The following RHBDD1 variants were observed in gnomAD, a reference collection of about 807,000 sequenced individuals.
RHBDD1 encodes rhomboid-related protein 4.
In RHBDD1, 38 loss-of-function variants were observed where a neutral mutation model predicts 36.3. That is an observed-to-expected ratio of 1.05 (90% confidence interval 0.81 to 1.37). The LOEUF (loss-of-function observed/expected upper bound fraction) is 1.37. Ranked by LOEUF, RHBDD1 falls within the 40% of genes most tolerant of loss-of-function variation. The pLI is 0.00. For missense variants in RHBDD1, 393 were observed against 377.6 expected, an observed-to-expected ratio of 1.04 and a Z score of -0.34; for synonymous variants, 151 against 136.5, an observed-to-expected ratio of 1.11 and a Z score of -0.74.
At chr2:226,896,975 G>A (rs1947148552) in intron 5 of RHBDD1, among the ~76,000 whole-genome samples, 1 of 152,044 alleles carries the variant, frequency 6.6e-6, no homozygotes, top group Non-Finnish European at 1.5e-5. Flanking sequence ...GCTAATCTTT[G>A]TATTTTCAGT....
At chr2:226,989,694 G>C (rs1957753033) in intron 8 of RHBDD1, among the ~76,000 whole-genome samples, 1 of 152,164 alleles carries the variant, frequency 6.6e-6, no homozygotes. Flanking sequence ...TAGTGGACCT[G>C]ATGTTATAGC....
chr2:226,952,422 C>A (rs1951491744), intron 8 of RHBDD1, among the ~76,000 whole-genome samples: 1 of 150,990 alleles, frequency 6.6e-6, no homozygotes, highest in Non-Finnish European at 1.5e-5. Flanking sequence ...CTCAGACTCC[C>A]AAATAGCTGG....
chr2:226,935,827 A>T lies in RHBDD1; in HGVS notation c.856+21476A>T, dbSNP rs191016606. 1.9e-4 allele frequency among the ~76,000 whole-genome samples: 29 copies of T among 152,214 alleles called. 1 individual carries two copies. The East Asian group carries it at 5.0e-3, about 26-fold the overall frequency. On this transcript the variant is annotated intron_variant, in intron 8 of 8. Transcript: ENST00000392062. ...AAAGATAAATTCAAACAGCTATATA[A>T]AGCAGATCTAACTTGATAAACACAT...
Position 226,995,648 on chromosome 2 carries a change from G to T in RHBDD1, c.*126G>T, listed in dbSNP as rs575165573. 2.8e-6 allele frequency: 2 copies of T among 703,624 alleles called. No homozygotes were observed. Among genetic ancestry groups the T allele is most frequent in the African/African-American group, 1.8e-5 (1 of 56,022 alleles). The allele number at this position is 703,624 out of a possible 1,614,324, so 43.6% of individuals were successfully genotyped here. A position where few individuals can be genotyped will look rare whatever the true frequency, so the allele number is the denominator to read the frequency against. On this transcript the variant is annotated 3_prime_UTR_variant, in exon 9 of 9. Transcript: ENST00000392062. ...GAGTACACCGGTATTGCTCCAGATCGCTCACATCACCTGGGACAGTCCCAT... is the reference window on the plus strand; with the variant it reads ...GAGTACACCGGTATTGCTCCAGATCTCTCACATCACCTGGGACAGTCCCAT...
chr2:226,827,269 G>C, the RHBDD1 span, among the ~76,000 whole-genome samples: 2 of 152,100 alleles, frequency 1.3e-5, no homozygotes, highest in African/African-American at 4.8e-5. Flanking sequence ...TCAGCCTAAT[G>C]GTGTTTTTAA....
chr2:226,989,459 A>G (rs1173938874), intron 8 of RHBDD1, among the ~76,000 whole-genome samples: 1 of 152,222 alleles, frequency 6.6e-6, no homozygotes, highest in Non-Finnish European at 1.5e-5. Flanking sequence ...AAATATCCTC[A>G]TATCTTGATC....
intron 8 of RHBDD1, among the ~76,000 whole-genome samples, chr2:226,958,636 GA>G (rs1479035026): frequency 6.6e-6 from 1 of 151,662 alleles, no homozygotes; most frequent in Non-Finnish European, 1.5e-5. Flanking sequence ...TAATAGAGGA[GA>G]AAAACTGAAG....
intron 8 of RHBDD1, among the ~76,000 whole-genome samples, chr2:226,989,335 G>A (rs1316562223): frequency 6.6e-6 from 1 of 152,152 alleles, no homozygotes; most frequent in Non-Finnish European, 1.5e-5. Context: ...AAAAATAGGG[G>A]AAAAATCTAT....
In RHBDD1 at chr2:226,984,981, C is replaced by A. The variant is rs112302976; in HGVS notation, c.857-10450C>A. 3.2e-3 allele frequency among the ~76,000 whole-genome samples: 480 copies of A among 150,382 alleles called. 1 individual carries two copies. Among genetic ancestry groups the A allele is most frequent in the Non-Finnish European group, 6.0e-3 (403 of 67,676 alleles). On this transcript the variant is annotated intron_variant, in intron 8 of 8. Coordinates refer to ENST00000392062, the MANE Select transcript of RHBDD1 (RefSeq NM_001167608.3). ...CAAAGAGGAGGATTGGGGGCAAGTACAAGTGGGGGGTTTGAGTGAAAATGT... is the reference window on the plus strand; with the variant it reads ...CAAAGAGGAGGATTGGGGGCAAGTAAAAGTGGGGGGTTTGAGTGAAAATGT...
At chr2:226,830,067 T>C in the RHBDD1 span, among the ~76,000 whole-genome samples, 24 of 152,272 alleles carry the variant, frequency 1.6e-4, no homozygotes, top group African/African-American at 5.8e-4. Context: ...CATAAATATG[T>C]GTTGGATTTA....
At chr2:226,883,465 A>AT (rs1444076298) in intron 5 of RHBDD1, among the ~76,000 whole-genome samples, 1 of 152,168 alleles carries the variant, frequency 6.6e-6, no homozygotes, top group Non-Finnish European at 1.5e-5. Context: ...GTTTTACCCA[A>AT]TTGGCCTGCT....
chr2:226,908,448 CCTT>C (rs1336137159), intron 6 of RHBDD1: 1 of 198,244 alleles, frequency 5.0e-6, no homozygotes, highest in African/African-American at 2.3e-5. Flanking sequence ...TCTCCTAACA[CCTT>C]CTTTGAGGAA....
chr2:226,820,844 G>A, the RHBDD1 span, among the ~76,000 whole-genome samples: 2 of 151,880 alleles, frequency 1.3e-5, no homozygotes, highest in African/African-American at 4.8e-5. Flanking sequence ...GTCATACCAG[G>A]AAAGCTATTA....
the RHBDD1 span, among the ~76,000 whole-genome samples, chr2:226,816,375 C>CAAAAAAAAAAAAAAAAAA: frequency 3.2e-4 from 21 of 64,956 alleles, no homozygotes; most frequent in African/African-American, 8.0e-4. Flanking sequence ...GGAATGGTGG[C>CAAAAAAAAAAAAAAAAAA]AAAAAAAAAA....
At chr2:226,974,790 G>A (rs1157421065) in intron 8 of RHBDD1, among the ~76,000 whole-genome samples, 3 of 152,198 alleles carry the variant, frequency 2.0e-5, no homozygotes, top group Non-Finnish European at 4.4e-5. Flanking sequence ...ACAGTGCTGA[G>A]AGTCGTGAAC....
chr2:226,933,069 A>G (rs1206165953), intron 8 of RHBDD1, among the ~76,000 whole-genome samples: 4 of 152,082 alleles, frequency 2.6e-5, no homozygotes, highest in African/African-American at 9.7e-5. Flanking sequence ...AGCAGGGGAA[A>G]TGCCAGAGGC....
the RHBDD1 span, among the ~76,000 whole-genome samples, chr2:226,801,206 C>T: frequency 2.6e-5 from 4 of 152,126 alleles, no homozygotes; most frequent in African/African-American, 7.2e-5. Context: ...GGCTGGGACC[C>T]GGCGGGCCGC....
At chr2:226,823,896 C>T in the RHBDD1 span, among the ~76,000 whole-genome samples, 4 of 152,076 alleles carry the variant, frequency 2.6e-5, no homozygotes, top group Non-Finnish European at 4.4e-5. Flanking sequence ...TATAACAAAC[C>T]CATTCCCACA....
intron 8 of RHBDD1, among the ~76,000 whole-genome samples, chr2:226,978,042 G>A (rs1363618459): frequency 1.3e-5 from 2 of 152,184 alleles, no homozygotes; most frequent in Non-Finnish European, 2.9e-5. Context: ...TCATGTTGGT[G>A]TAGTGTCCTC....
Sources: gnomAD v4.1 joint callset for allele counts (sites outside exome capture counted in the v4.1 genomes callset) on GRCh38, gnomAD v4.1.1 for gene constraint, MANE v1.5 for transcripts, NCBI Gene and HGNC (gene_info 2026-07-23, HGNC 2026-07-21) for gene names.